SLC25A21: variants seen among roughly 807,000 people sequenced by gnomAD.
SLC25A21 encodes mitochondrial 2-oxodicarboxylate carrier.
A neutral mutation model predicts 43.8 loss-of-function variants in SLC25A21; 47 were observed. The ratio of observed to expected loss-of-function variants is 1.07; its 90% CI spans 0.85 to 1.37. The LOEUF is 1.37. SLC25A21 is among the 40% of genes most tolerant of loss of function. The pLI is 0.00. For synonymous variants in SLC25A21, 131 were observed against 121.3 expected (o/e 1.08, Z -0.52); for missense variants, 352 against 350.2 (o/e 1.00, Z -0.04).
intron 2 of SLC25A21, among the ~76,000 whole-genome samples, chr14:36,867,332 T>C (rs1890240513): frequency 6.6e-6 from 1 of 152,166 alleles, no homozygotes; most frequent in Non-Finnish European, 1.5e-5. Context: ...CAATGAAGAC[T>C]ACCTATTATT....
At chr14:36,688,011 A>ACTTAT (rs1882628626) in intron 7 of SLC25A21, among the ~76,000 whole-genome samples, 1 of 152,096 alleles carries the variant, frequency 6.6e-6, no homozygotes, top group Admixed American at 6.6e-5. Context: ...TATGCTTCCA[A>ACTTAT]CTTATCTTTC....
At chr14:37,109,733 G>A (rs765790186) in intron 1 of SLC25A21, among the ~76,000 whole-genome samples, 11 of 152,022 alleles carry the variant, frequency 7.2e-5, no homozygotes, top group Admixed American at 3.3e-4. Flanking sequence ...TTCCTAAGGC[G>A]TCTCGGAATA....
intron 3 of SLC25A21, among the ~76,000 whole-genome samples, chr14:36,809,961 C>G (rs1888176539): frequency 6.6e-6 from 1 of 152,168 alleles, no homozygotes; most frequent in Non-Finnish European, 1.5e-5. Flanking sequence ...AAAAAATTAA[C>G]ACAACATGTG....
At chr14:36,888,601 G>A (rs1026228839) in intron 1 of SLC25A21, among the ~76,000 whole-genome samples, 44 of 152,124 alleles carry the variant, frequency 2.9e-4, no homozygotes, top group African/African-American at 1.0e-3. Flanking sequence ...TGTGTGCACA[G>A]GAAAATAGCT....
chr14:36,868,102 G>C (rs1381486971), intron 2 of SLC25A21, among the ~76,000 whole-genome samples: 1 of 151,928 alleles, frequency 6.6e-6, no homozygotes, highest in Non-Finnish European at 1.5e-5. Context: ...GCGGAGAAAA[G>C]GAGGGAGAGA....
chr14:36,779,456 A>ATT (rs1491253426), intron 3 of SLC25A21, among the ~76,000 whole-genome samples: 2 of 115,672 alleles, frequency 1.7e-5, no homozygotes, highest in Admixed American at 1.1e-4. Flanking sequence ...AAAAGAAGGA[A>ATT]TTATATATAT....
chr14:37,031,239 A>G (rs1403332742), intron 1 of SLC25A21, among the ~76,000 whole-genome samples: 2 of 152,236 alleles, frequency 1.3e-5, no homozygotes, highest in Admixed American at 6.5e-5. Context: ...CAGTGTTCAA[A>G]CAATCACACA....
intron 8 of SLC25A21, among the ~76,000 whole-genome samples, chr14:36,684,215 C>T (rs946140486): frequency 6.6e-6 from 1 of 152,070 alleles, no homozygotes; most frequent in African/African-American, 2.4e-5. Context: ...AGACCACAAA[C>T]TCAGTCTTTA....
At chr14:37,166,233 T>C (rs1964028062) in intron 1 of SLC25A21, among the ~76,000 whole-genome samples, 1 of 152,190 alleles carries the variant, frequency 6.6e-6, no homozygotes, top group Non-Finnish European at 1.5e-5. Context: ...AGGCCCTGAA[T>C]GGATGGAGAA....
chr14:36,850,509 C>G (rs548931460), intron 2 of SLC25A21, among the ~76,000 whole-genome samples: 129 of 152,134 alleles, frequency 8.5e-4, no homozygotes, highest in African/African-American at 3.0e-3. Context: ...TCCATGGTCT[C>G]TTAGAAAAAA....
chr14:36,905,139 A>G (rs983018033), intron 1 of SLC25A21, among the ~76,000 whole-genome samples: 4 of 152,188 alleles, frequency 2.6e-5, no homozygotes, highest in Non-Finnish European at 5.9e-5. Flanking sequence ...AATTACCTTG[A>G]CCTATGAAAG....
chr14:37,010,396 C>T (rs1360548871), intron 1 of SLC25A21, among the ~76,000 whole-genome samples: 2 of 152,208 alleles, frequency 1.3e-5, no homozygotes, highest in Non-Finnish European at 2.9e-5. Flanking sequence ...TTCACTCATA[C>T]ATTTATTGAG....
chr14:37,165,944 C>G (rs1964022748), intron 1 of SLC25A21, among the ~76,000 whole-genome samples: 1 of 152,156 alleles, frequency 6.6e-6, no homozygotes, highest in African/African-American at 2.4e-5. Flanking sequence ...CCTCCTAGAG[C>G]CCTGTTGATA....
At chr14:37,137,123 G>A (rs1487071661) in intron 1 of SLC25A21, among the ~76,000 whole-genome samples, 1 of 152,154 alleles carries the variant, frequency 6.6e-6, no homozygotes, top group African/African-American at 2.4e-5. Context: ...TCAGCCTCCT[G>A]AGTAGCTGGG....
chr14:37,163,451 C>T (rs1206586850), intron 1 of SLC25A21, among the ~76,000 whole-genome samples: 1 of 151,880 alleles, frequency 6.6e-6, no homozygotes, highest in African/African-American at 2.4e-5. Context: ...TGTGTATAAA[C>T]CATGATAACA....
chr14:36,778,115 C>T (rs1320624166), intron 3 of SLC25A21, among the ~76,000 whole-genome samples: 1 of 152,172 alleles, frequency 6.6e-6, no homozygotes, highest in African/African-American at 2.4e-5. Flanking sequence ...TTTGGTTACT[C>T]CTTCAAGATC....
chr14:36,982,873 C>A (rs1200948679), intron 1 of SLC25A21, among the ~76,000 whole-genome samples: 1 of 151,794 alleles, frequency 6.6e-6, no homozygotes, highest in African/African-American at 2.4e-5. Context: ...ATATATCTTA[C>A]TAAATAATAT....
At chr14:36,897,980 C>G (rs1316953684) in intron 1 of SLC25A21, among the ~76,000 whole-genome samples, 7 of 152,200 alleles carry the variant, frequency 4.6e-5, no homozygotes, top group Non-Finnish European at 8.8e-5. Flanking sequence ...ACTTTGGGGT[C>G]AGGGACCCAC....
chr14:37,083,910 C>T (rs947930955), intron 1 of SLC25A21, among the ~76,000 whole-genome samples: 15 of 152,184 alleles, frequency 9.9e-5, no homozygotes, highest in African/African-American at 2.9e-4. Flanking sequence ...TGCTCACTTG[C>T]ATTTAATAAA....
Sources: gnomAD v4.1 joint callset for allele counts (sites outside exome capture counted in the v4.1 genomes callset) on GRCh38, gnomAD v4.1.1 for gene constraint, MANE v1.5 for transcripts, NCBI Gene and HGNC (gene_info 2026-07-23, HGNC 2026-07-21) for gene names.